NFIB: variants seen among roughly 807,000 people sequenced by gnomAD.
NFIB encodes the protein nuclear factor I B, also known as nuclear factor 1 B-type.
NFIB carries 11 observed loss-of-function variants against 61.5 expected under a neutral mutation model. The observed-to-expected ratio is 0.18, with a 90% confidence interval of 0.11 to 0.30. The LOEUF (loss-of-function observed/expected upper bound fraction) is 0.30. Ranked by LOEUF, NFIB falls within the 10% of genes least tolerant of loss-of-function variation. The pLI, the probability that NFIB is intolerant of heterozygous loss-of-function variation, is 1.00. For missense variants in NFIB, 471 were observed against 608.9 expected, an observed-to-expected ratio of 0.77 and a Z score of 2.38; for synonymous variants, 260 against 216.5, an observed-to-expected ratio of 1.20 and a Z score of -1.76.
chr9:14,094,327 C>G (rs2034443060), intron 10 of NFIB: 1 of 152,092 alleles, frequency 6.6e-6, no homozygotes, highest in South Asian at 2.1e-4. Flanking sequence ...AAATTCAGCA[C>G]AAATAACTGT....
At chr9:14,260,165 G>A (rs2056615992) in intron 2 of NFIB, among the ~76,000 whole-genome samples, 1 of 152,174 alleles carries the variant, frequency 6.6e-6, no homozygotes, top group South Asian at 2.1e-4. Flanking sequence ...AGAAAAGTGA[G>A]GCGCACTGAC....
At chr9:14,425,129 C>G in the NFIB span, among the ~76,000 whole-genome samples, 1 of 152,184 alleles carries the variant, frequency 6.6e-6, no homozygotes, top group Admixed American at 6.5e-5. Flanking sequence ...CTGCTCAGCT[C>G]TAGGCTTCTC....
intron 1 of NFIB, among the ~76,000 whole-genome samples, chr9:14,365,245 A>G (rs76122578): frequency 6.6e-6 from 1 of 152,340 alleles, no homozygotes; most frequent in East Asian, 1.9e-4. Flanking sequence ...CTAAAATAAG[A>G]TGATTATTTC....
At chr9:14,304,592 G>A (rs1387502110) in intron 2 of NFIB, among the ~76,000 whole-genome samples, 2 of 152,108 alleles carry the variant, frequency 1.3e-5, no homozygotes, top group Non-Finnish European at 2.9e-5. Flanking sequence ...TGGGGAGAGA[G>A]AAAAAGGGGG....
chr9:14,336,336 G>C (rs937417636), intron 1 of NFIB, among the ~76,000 whole-genome samples: 1 of 152,214 alleles, frequency 6.6e-6, no homozygotes, highest in African/African-American at 2.4e-5. Context: ...AAGGGAGTGG[G>C]ATTGTGGTGG....
chr9:14,446,787 T>C, the NFIB span, among the ~76,000 whole-genome samples: 1 of 152,162 alleles, frequency 6.6e-6, no homozygotes, highest in African/African-American at 2.4e-5. Flanking sequence ...CAGGGAATAG[T>C]ATTAATAAAA....
intron 4 of NFIB, among the ~76,000 whole-genome samples, chr9:14,152,820 G>A (rs1418884487): frequency 6.6e-6 from 1 of 151,838 alleles, no homozygotes; most frequent in East Asian, 1.9e-4. Context: ...ACTCATACAT[G>A]GGAGCTTAAA....
upstream of NFIB, among the ~76,000 whole-genome samples, chr9:14,403,939 T>C (rs1428746194): frequency 2.6e-5 from 4 of 152,172 alleles, no homozygotes; most frequent in East Asian, 1.9e-4. Context: ...ATTCCAAATA[T>C]ATGGACCAAG....
chr9:14,366,735 C>A (rs1011246839), intron 1 of NFIB, among the ~76,000 whole-genome samples: 1 of 152,100 alleles, frequency 6.6e-6, no homozygotes, highest in African/African-American at 2.4e-5. Flanking sequence ...GTGCCTGCCT[C>A]GGCCTCCCAA....
intron 7 of NFIB, among the ~76,000 whole-genome samples, chr9:14,121,920 G>T (rs926548801): frequency 6.6e-6 from 1 of 151,806 alleles, no homozygotes; most frequent in African/African-American, 2.4e-5. Context: ...GAGTGTAATC[G>T]TATGATCATT....
rs71321962 is a variant in NFIB, at chr9:14,097,875, C to CTTTTTTTTTTTT, written c.1468-9561_1468-9550dup. ...CTTTTTTTTTCTTTCTTTCTTTTTT[C>CTTTTTTTTTTTT]TTTTTTTTTTTTTTTTTTGCCCTCC... On this transcript the variant is annotated intron_variant, in intron 10 of 10. Transcript: ENST00000380953. Among the ~76,000 whole-genome samples, 40 of 110,864 alleles carry CTTTTTTTTTTTT rather than the reference C, an allele frequency of 3.6e-4. 1 individual carries two copies. The highest frequency in any genetic ancestry group is 5.5e-4 in the East Asian group (2 of 3,638). The allele number at this position is 110,864 out of a possible 152,430, so 72.7% of individuals were successfully genotyped here. A position where few individuals can be genotyped will look rare whatever the true frequency, so the allele number is the denominator to read the frequency against.
chr9:14,389,207 C>T (rs1403498780), intron 1 of NFIB, among the ~76,000 whole-genome samples: 1 of 152,150 alleles, frequency 6.6e-6, no homozygotes, highest in Non-Finnish European at 1.5e-5. Context: ...TCACTGAGAA[C>T]TTTCCTTCTG....
intron 2 of NFIB, among the ~76,000 whole-genome samples, chr9:14,294,654 G>A (rs2059307936): frequency 6.6e-6 from 1 of 152,220 alleles, no homozygotes; most frequent in African/African-American, 2.4e-5. Context: ...GCTAATCAAT[G>A]TACTGATCCT....
chr9:14,323,853 A>G (rs1437903333), intron 1 of NFIB, among the ~76,000 whole-genome samples: 2 of 152,180 alleles, frequency 1.3e-5, no homozygotes, highest in African/African-American at 2.4e-5. Flanking sequence ...TATACACATC[A>G]TACATACGTT....
chr9:14,370,915 C>T (rs1247499871), intron 1 of NFIB, among the ~76,000 whole-genome samples: 8 of 152,006 alleles, frequency 5.3e-5, no homozygotes, highest in Non-Finnish European at 1.0e-4. Flanking sequence ...GCCAACGTGG[C>T]GAAACCCCAT....
chr9:14,290,666 A>G (rs2059031554), intron 2 of NFIB, among the ~76,000 whole-genome samples: 1 of 152,116 alleles, frequency 6.6e-6, no homozygotes, highest in Non-Finnish European at 1.5e-5. Flanking sequence ...CATTAAAAAT[A>G]TACACATAAA....
intron 8 of NFIB, among the ~76,000 whole-genome samples, chr9:14,118,801 G>T (rs866939462): frequency 3.7e-5 from 5 of 136,474 alleles, no homozygotes; most frequent in Admixed American, 7.8e-5. Flanking sequence ...AGAGTAATAT[G>T]CTTCCTTAGA....
At chr9:14,522,765 A>G in the NFIB span, among the ~76,000 whole-genome samples, 1 of 152,200 alleles carries the variant, frequency 6.6e-6, no homozygotes, top group African/African-American at 2.4e-5. Context: ...TTCCTTCCGC[A>G]TAATTTTCAT....
At chr9:14,467,009 G>A in the NFIB span, among the ~76,000 whole-genome samples, 1 of 152,152 alleles carries the variant, frequency 6.6e-6, no homozygotes, top group Admixed American at 6.5e-5. Context: ...CTGTGCGGGA[G>A]GGGGCTGTGA....
Sources: gnomAD v4.1 joint callset for allele counts (sites outside exome capture counted in the v4.1 genomes callset) on GRCh38, gnomAD v4.1.1 for gene constraint, MANE v1.5 for transcripts, NCBI Gene and HGNC (gene_info 2026-07-23, HGNC 2026-07-21) for gene names.